LTBP2: variants seen among roughly 807,000 people sequenced by gnomAD.
LTBP2 encodes the protein latent transforming growth factor beta binding protein 2, also known as latent-transforming growth factor beta-binding protein 2.
LTBP2 carries 103 observed loss-of-function variants against 210.6 expected under a neutral mutation model. The ratio of observed to expected loss-of-function variants is 0.49; its 90% CI spans 0.42 to 0.58. The LOEUF (loss-of-function observed/expected upper bound fraction) is 0.58, where lower values mean the gene tolerates loss of function less well. Among genes scored for constraint, LTBP2 ranks in the 20% least tolerant of loss-of-function variants. The pLI is 0.00. For missense variants in LTBP2, 2,313 were observed against 2,494.5 expected (o/e 0.93, Z 1.55); for synonymous variants, 1,007 against 1,015.0 (o/e 0.99, Z 0.15).
intron 1 of LTBP2, among the ~76,000 whole-genome samples, chr14:74,604,836 C>T (rs137908888): frequency 1.1e-3 from 166 of 152,296 alleles, no homozygotes; most frequent in South Asian, 4.1e-3. Flanking sequence ...CCCCATGAGA[C>T]GCTGACCTAC....
intron 17 of LTBP2, 27 bp downstream of exon 17, chr14:74,521,884 C>CCAAGGG: frequency 6.2e-7 from 1 of 1,613,446 alleles, no homozygotes; most frequent in Non-Finnish European, 8.5e-7. Context: ...TGGGGCCTGG[C>CCAAGGG]CAAGGGCAAG....
chr14:74,578,762 A>G (rs927007805), intron 3 of LTBP2, among the ~76,000 whole-genome samples: 5 of 152,170 alleles, frequency 3.3e-5, no homozygotes, highest in African/African-American at 1.2e-4. Flanking sequence ...TGCTGCTGGC[A>G]CTGGGGGAAG....
At chr14:74,536,289 G>A (rs925378727) in intron 8 of LTBP2, among the ~76,000 whole-genome samples, 3 of 152,186 alleles carry the variant, frequency 2.0e-5, no homozygotes, top group African/African-American at 7.2e-5. Context: ...ACCCATAGAA[G>A]CAGAGTAGAA....
intron 30 of LTBP2, among the ~76,000 whole-genome samples, chr14:74,504,445 G>A (rs892221232): frequency 2.0e-5 from 3 of 152,218 alleles, no homozygotes; most frequent in African/African-American, 7.2e-5. Flanking sequence ...GGAGATGAGC[G>A]CAGCCTCTGG....
intron 4 of LTBP2, among the ~76,000 whole-genome samples, chr14:74,554,373 C>T (rs1355023764): frequency 6.6e-6 from 1 of 152,064 alleles, no homozygotes; most frequent in Non-Finnish European, 1.5e-5. Context: ...GTGGTGCATG[C>T]CTGTAGTCCC....
intron 1 of LTBP2, among the ~76,000 whole-genome samples, chr14:74,606,741 G>T (rs1278480342): frequency 6.6e-6 from 1 of 152,154 alleles, no homozygotes; most frequent in Non-Finnish European, 1.5e-5. Flanking sequence ...CACTCGGGAG[G>T]TTGAGGCAGA....
At chr14:74,512,287 C>T (rs752081308) in intron 18 of LTBP2, among the ~76,000 whole-genome samples, 2 of 152,344 alleles carry the variant, frequency 1.3e-5, no homozygotes, top group Non-Finnish European at 2.9e-5. Context: ...CCACTCTTCA[C>T]AACAGGTCCA....
At chr14:74,503,102 G>A (rs991096285) in intron 33 of LTBP2, 117 bp downstream of exon 33, 9 of 1,518,598 alleles carry the variant, frequency 5.9e-6, no homozygotes, top group Non-Finnish European at 8.1e-6. Context: ...CAGCAGGGAT[G>A]GAAGACAGGG....
chr14:74,535,692 G>A lies in LTBP2; in HGVS notation c.1864+234C>T, dbSNP rs2087411437. Among the ~76,000 whole-genome samples the A allele has an allele frequency of 2.6e-5, 4 of 152,262 alleles. No individual in the cohort carries two copies. In the South Asian group the frequency reaches 8.3e-4, roughly 32 times the overall value. On this transcript the variant is annotated intron_variant, in intron 9 of 35. Transcript: ENST00000261978. ...CTAGCCTGTGTTCCAGGTGGGTGTG[G>A]GTGGAGATGGGGACGAGGGGAGGTG... is the stretch of plus-strand genomic sequence containing the variant.
chr14:74,609,203 C>A (rs2088571438), intron 1 of LTBP2, among the ~76,000 whole-genome samples: 1 of 152,188 alleles, frequency 6.6e-6, no homozygotes, highest in Non-Finnish European at 1.5e-5. Flanking sequence ...TCCTCCCCAG[C>A]TGACATGGAG....
In LTBP2 at chr14:74,586,751, C is replaced by T. The variant is rs1311314104; in HGVS notation, c.566-633G>A. Among the ~76,000 whole-genome samples the T allele has an allele frequency of 6.6e-6, 1 of 152,100 alleles. No individual in the cohort carries two copies. Among genetic ancestry groups the T allele is most frequent in the Non-Finnish European group, 1.5e-5 (1 of 68,020 alleles). On this transcript the variant is annotated intron_variant, in intron 2 of 35. Transcript: ENST00000261978. The surrounding 1 kb of genome is among the most constrained non-coding windows in gnomAD (Gnocchi z 4.6). ...GGCACCTTCAGCTTGACGGTCTCTC[C>T]TCTCCTTCCCATTGTTCTCCATCTC...
chr14:74,600,737 G>C (rs1487187690), intron 2 of LTBP2, among the ~76,000 whole-genome samples: 1 of 152,034 alleles, frequency 6.6e-6, no homozygotes, highest in Admixed American at 6.6e-5. Flanking sequence ...CCCAACAAAG[G>C]CTAAGCTCTC....
chr14:74,513,442 C>G (rs1448901221), intron 18 of LTBP2, among the ~76,000 whole-genome samples: 1 of 152,248 alleles, frequency 6.6e-6, no homozygotes, highest in African/African-American at 2.4e-5. Flanking sequence ...GCCTACATCT[C>G]CAATGAGGAA....
chr14:74,566,387 A>ACT (rs1186724079), intron 3 of LTBP2, among the ~76,000 whole-genome samples: 1 of 152,086 alleles, frequency 6.6e-6, no homozygotes, highest in African/African-American at 2.4e-5. Context: ...CGTTCCCAGA[A>ACT]CTCTCTCTGC....
chr14:74,577,828 A>G (rs534513214), intron 3 of LTBP2, among the ~76,000 whole-genome samples: 115 of 147,514 alleles, frequency 7.8e-4, no homozygotes, highest in African/African-American at 2.6e-3. Context: ...TTGAGCTTAG[A>G]GGAGATCCAC....
intron 1 of LTBP2, among the ~76,000 whole-genome samples, chr14:74,609,022 A>C (rs1397505540): frequency 6.6e-6 from 1 of 152,226 alleles, no homozygotes; most frequent in East Asian, 1.9e-4. Flanking sequence ...ATGAATGAAG[A>C]AGCTCCAGTA....
chr14:74,587,053 C>T (rs1055578093), intron 2 of LTBP2, among the ~76,000 whole-genome samples: 1 of 152,196 alleles, frequency 6.6e-6, no homozygotes, highest in African/African-American at 2.4e-5. Flanking sequence ...TCCTTCACCC[C>T]CTTGCAAAGT....
chr14:74,573,567 C>G lies in LTBP2; in HGVS notation c.830+12287G>C, dbSNP rs1595285848. On this transcript the variant is annotated intron_variant, in intron 3 of 35. Transcript: ENST00000261978. ...CCGCAGCCCTGTCCATGGCCCTCTC[C>G]TATAGCCTGAGCTACCCTGGGTTCT... Among the ~76,000 whole-genome samples, 3 of 152,328 alleles carry G rather than the reference C, an allele frequency of 2.0e-5. No homozygotes were observed. The East Asian group carries it at 5.8e-4, about 29-fold the overall frequency.
intron 16 of LTBP2, 83 bp downstream of exon 16, chr14:74,522,707 T>G: frequency 3.3e-6 from 5 of 1,492,978 alleles, no homozygotes; most frequent in Non-Finnish European, 4.5e-6. Flanking sequence ...TTCTGCTTCT[T>G]CCTGGACTCT....
Sources: allele counts gnomAD v4.1 joint callset (sites outside exome capture counted in the v4.1 genomes callset), GRCh38; gene constraint gnomAD v4.1.1; non-coding constraint Gnocchi (gnomAD v3.1); transcripts MANE v1.5; gene names NCBI Gene and HGNC (gene_info 2026-07-23, HGNC 2026-07-21).